CYP2S1: variants seen among roughly 807,000 people sequenced by gnomAD.
CYP2S1 encodes the protein cytochrome P450 2S1.
CYP2S1 carries 32 observed loss-of-function variants against 43.5 expected under a neutral mutation model. The ratio of observed to expected loss-of-function variants is 0.74; its 90% CI spans 0.56 to 0.99. The LOEUF is 0.99. Ranked by LOEUF, CYP2S1 falls within the 50% of genes least tolerant of loss-of-function variation. The probability of loss-of-function intolerance (pLI) is 0.00; values close to 1 mark genes in which losing one functional copy is unlikely to be tolerated. For synonymous variants in CYP2S1, 283 were observed against 302.9 expected, an observed-to-expected ratio of 0.93 and a Z score of 0.68; for missense variants, 575 against 673.9, an observed-to-expected ratio of 0.85 and a Z score of 1.62.
rs1179917001 is a variant in CYP2S1, at chr19:41,193,409, C to T, written c.145C>T (p.Arg49Trp). The T allele has an allele frequency of 3.3e-6, 5 of 1,503,272 alleles. No homozygotes were observed. The highest frequency in any genetic ancestry group is 4.4e-6 in the Non-Finnish European group (5 of 1,124,040). The allele number at this position is 1,503,272 out of a possible 1,614,324, so 93.1% of individuals were successfully genotyped here. Reference sequence around the variant, plus strand: ...ACTGCTGGGAAACCTCCTGCAGCTACGGCCCGGGGCGCTGTATTCAGGGCT... The same window carrying T: ...ACTGCTGGGAAACCTCCTGCAGCTATGGCCCGGGGCGCTGTATTCAGGGCT... ...LPLLGNLLQL[R>W]PGALYSGLMR... The change falls in exon 1 of 9, where the codon CGG becomes TGG. Residue 49 changes from arginine to tryptophan, a missense_variant. This residue lies in a region of CYP2S1 where 353 missense variants were observed against 367.6 expected (regional missense o/e 0.96). Transcript: ENST00000310054.
intron 5 of CYP2S1, among the ~76,000 whole-genome samples, 154 bp downstream of exon 5, chr19:41,199,042 T>C (rs1347328724): frequency 6.6e-6 from 1 of 152,170 alleles, no homozygotes; most frequent in Non-Finnish European, 1.5e-5. Context: ...TGTGTGTGCA[T>C]CCCTTCTCTG....
At chr19:41,200,070 G>A (rs1051771457) in intron 5 of CYP2S1, among the ~76,000 whole-genome samples, 2 of 151,930 alleles carry the variant, frequency 1.3e-5, no homozygotes, top group Admixed American at 6.6e-5. Context: ...TTAACTGTAC[G>A]AACTTTTGGA....
intron 5 of CYP2S1, among the ~76,000 whole-genome samples, chr19:41,200,522 G>A (rs1214925496): frequency 6.6e-5 from 10 of 151,966 alleles, no homozygotes; most frequent in Non-Finnish European, 1.2e-4. Context: ...ACAGGTGCCC[G>A]TCACCACGCC....
intron 7 of CYP2S1, among the ~76,000 whole-genome samples, chr19:41,204,514 C>T (rs2033536912): frequency 6.6e-6 from 1 of 152,086 alleles, no homozygotes; most frequent in Non-Finnish European, 1.5e-5. Context: ...GCTCCCTCCT[C>T]CACCTTCACT....
chr19:41,194,429 G>T, intron 1 of CYP2S1, 115 bp from the exon 2 acceptor site: 2 of 1,350,764 alleles, frequency 1.5e-6, no homozygotes, highest in Non-Finnish European at 2.0e-6. Context: ...GCAGGTTCCT[G>T]GTAGAGGGCG....
chr19:41,197,554 G>A (rs1269507249), intron 2 of CYP2S1, among the ~76,000 whole-genome samples: 2 of 151,982 alleles, frequency 1.3e-5, no homozygotes, highest in Non-Finnish European at 2.9e-5. Flanking sequence ...CAAAAAATGA[G>A]CCAGGCATGG....
rs11311956 is a variant in CYP2S1, at chr19:41,205,418, T to TTCTC, written c.1165-528_1165-525dup. Among the ~76,000 whole-genome samples the TTCTC allele has an allele frequency of 8.0e-5, 7 of 87,948 alleles. No individual in the cohort carries two copies. In the South Asian group the frequency reaches 1.2e-3, roughly 15 times the overall value. 57.7% of individuals were successfully genotyped at this position (87,948 alleles called of 152,430 possible). ...TTTCTTTCTCTCTTTCTTTCTTTCT[T>TTCTC]TCTCTCTCTCTCTCTTTCTTTCTTT... On this transcript the variant is annotated intron_variant, in intron 7 of 8. Transcript: ENST00000310054.
chr19:41,193,518 CT>C, intron 1 of CYP2S1, 77 bp downstream of exon 1: 3 of 1,377,866 alleles, frequency 2.2e-6, no homozygotes, highest in South Asian at 1.7e-5. Flanking sequence ...GGGTGAGGGG[CT>C]TTTCGGGTAT....
intron 6 of CYP2S1, 99 bp from the exon 7 acceptor site, chr19:41,203,351 G>A: frequency 2.2e-6 from 3 of 1,358,678 alleles, no homozygotes; most frequent in African/African-American, 1.5e-5. Context: ...CCACCTGTCA[G>A]CCTCACCCCA....
intron 1 of CYP2S1, 65 bp downstream of exon 1, chr19:41,193,506 C>T: frequency 2.2e-6 from 3 of 1,384,892 alleles, no homozygotes; most frequent in Middle Eastern, 2.3e-4. Flanking sequence ...ACCCGAGTGC[C>T]AGGGTGAGGG....
At chr19:41,205,358 C>CTTTCTTTCTT (rs1293394358) in intron 7 of CYP2S1, among the ~76,000 whole-genome samples, 6 of 99,424 alleles carry the variant, frequency 6.0e-5, no homozygotes, top group Admixed American at 1.8e-4. Flanking sequence ...TTCTTTCTTT[C>CTTTCTTTCTT]TTTCTTTCTT....
intron 7 of CYP2S1, 100 bp downstream of exon 7, chr19:41,203,737 G>GTCTC (rs142778350): frequency 1.1e-5 from 12 of 1,129,318 alleles, no homozygotes; most frequent in Non-Finnish European, 1.3e-5. Flanking sequence ...TGATCTTAGT[G>GTCTC]TCTCTCTCTC....
In CYP2S1 at chr19:41,197,679, A is replaced by G. The variant is rs538934021; in HGVS notation, c.344-100A>G. The stretch of plus-strand genomic sequence containing the variant: ...CACGCCACTGCACTCCAGCCTGGGC[A>G]ACAGAGCGAGATTCCGTCTCAAAAA... On this transcript the variant is annotated intron_variant, in intron 2 of 8. Transcript: ENST00000310054. 37 of 1,547,976 alleles carry G rather than the reference A, an allele frequency of 2.4e-5. No homozygotes were observed. The South Asian group carries it at 3.2e-4, about 13-fold the overall frequency.
At position 41,193,244 on chromosome 19, in the gene CYP2S1, A is replaced by G; in HGVS notation, c.-21A>G. On this transcript the variant is annotated 5_prime_UTR_variant, in exon 1 of 9. Transcript: ENST00000310054. ...AGCCGCGCGGAGCGCCTGGGAGAGG[A>G]GAAGGAGCCGACCTGCCGAGATGGA... is the stretch of plus-strand genomic sequence containing the variant. 6.6e-7 allele frequency: 1 copy of G among 1,523,080 alleles called. No homozygotes were observed. The highest frequency in any genetic ancestry group is 1.2e-5 in the South Asian group (1 of 82,798). The allele number at this position is 1,523,080 out of a possible 1,614,324, so 94.3% of individuals were successfully genotyped here.
chr19:41,203,680 G>T, intron 7 of CYP2S1, 43 bp downstream of exon 7: 2 of 1,467,570 alleles, frequency 1.4e-6, no homozygotes, highest in Non-Finnish European at 1.8e-6. Flanking sequence ...TCTGCCTCGG[G>T]GCCTGAGCCC....
chr19:41,201,215 G>T lies in CYP2S1; in HGVS notation c.835-16G>T, dbSNP rs777649108. On this transcript the variant is annotated splice_polypyrimidine_tract_variant and intron_variant, in intron 5 of 8. Coordinates refer to ENST00000310054, the MANE Select transcript of CYP2S1 (RefSeq NM_030622.8). ...AAGGCTGTGTTCTCTCAGCCCCTCT[G>T]CCTGGTTTCTTTCAGGAGGAACAAA... is the stretch of plus-strand genomic sequence containing the variant. 6.2e-7 allele frequency: 1 copy of T among 1,613,354 alleles called. No individual in the cohort carries two copies.
chr19:41,197,994 TG>T, intron 3 of CYP2S1, 66 bp downstream of exon 3: 1 of 1,524,116 alleles, frequency 6.6e-7, no homozygotes. Context: ...CTACTGTGGC[TG>T]GGGGTGGCCC....
At chr19:41,202,378 A>G (rs1336627635) in intron 6 of CYP2S1, among the ~76,000 whole-genome samples, 1 of 152,190 alleles carries the variant, frequency 6.6e-6, no homozygotes, top group Admixed American at 6.6e-5. Context: ...GTAGTGTTGC[A>G]GGAGTGGAAT....
Position 41,203,459 on chromosome 19 carries a change from G to A in CYP2S1, c.986G>A (p.Arg329His), listed in dbSNP as rs758706216. 1.2e-5 allele frequency: 20 copies of A among 1,607,116 alleles called. No homozygotes were observed. The highest frequency in any genetic ancestry group is 2.3e-5 in the East Asian group (1 of 44,326). ...MKYPHVQKWV[R>H]EELNRELGAG... Reference sequence around the variant, plus strand: ...CTCCTCTTGCTTGCAGAGTGGGTACGTGAGGAGCTGAATCGGGAGCTGGGG... The same window carrying A: ...CTCCTCTTGCTTGCAGAGTGGGTACATGAGGAGCTGAATCGGGAGCTGGGG... The change falls in exon 7 of 9, where the codon CGT (arginine) becomes CAT (histidine). Residue 329 changes from arginine (R) to histidine (H), a missense_variant. Physicochemically the swap from Arg to His is conservative, Grantham distance 29 (BLOSUM62 0). Transcript: ENST00000310054.
Sources: gnomAD v4.1 joint callset for allele counts (sites outside exome capture counted in the v4.1 genomes callset) on GRCh38, gnomAD v4.1.1 for gene constraint, gnomAD v4.1.1 regional missense constraint, MANE v1.5 for transcripts, NCBI Gene and HGNC (gene_info 2026-07-23, HGNC 2026-07-21) for gene names.